The following RUNX1 variants were observed in gnomAD, a reference collection of about 807,000 sequenced individuals.
RUNX1 encodes RUNX family transcription factor 1.
In RUNX1, 19 loss-of-function variants were observed where a neutral mutation model predicts 42.8. That is an observed-to-expected ratio of 0.44 (90% CI 0.31 to 0.65). The LOEUF is 0.65. RUNX1 is among the 30% of genes least tolerant of loss of function. RUNX1 has a pLI of 0.07. For synonymous variants in RUNX1, 271 were observed against 289.4 expected, an observed-to-expected ratio of 0.94 and a Z score of 0.64; for missense variants, 528 against 672.0, an observed-to-expected ratio of 0.79 and a Z score of 2.37.
intron 2 of RUNX1, among the ~76,000 whole-genome samples, chr21:35,009,136 AAC>A (rs2059106724): frequency 3.9e-5 from 6 of 152,198 alleles, no homozygotes; most frequent in Non-Finnish European, 8.8e-5. Flanking sequence ...ACCCTGTGCC[AAC>A]TCCACTGCAC....
intron 7 of RUNX1, among the ~76,000 whole-genome samples, chr21:34,830,844 T>C (rs1302414000): frequency 2.6e-5 from 4 of 152,236 alleles, no homozygotes; most frequent in Non-Finnish European, 5.9e-5. Context: ...TACATGCTTA[T>C]GACAACCAGC....
At chr21:34,875,865 C>T (rs553238687) in intron 5 of RUNX1, among the ~76,000 whole-genome samples, 5 of 152,186 alleles carry the variant, frequency 3.3e-5, no homozygotes, top group Non-Finnish European at 5.9e-5. Flanking sequence ...CACTTTAGCC[C>T]AAATAATGTA....
rs575439174 is a variant in RUNX1, at chr21:34,841,252, T to C, written c.614-6651A>G. Among the ~76,000 whole-genome samples, 164 of 152,272 alleles carry C rather than the reference T, an allele frequency of 1.1e-3. 1 individual carries two copies. The highest frequency in any genetic ancestry group is 3.5e-3 in the African/African-American group (147 of 41,562). On this transcript the variant is annotated intron_variant, in intron 6 of 8. Transcript: ENST00000675419. ...TGCCCCTAAGCCTCTTAGAGGTGGA[T>C]GAATCCTGGCAAGTCCCCTAGGATA...
At chr21:34,954,243 C>A (rs1158884702) in intron 2 of RUNX1, among the ~76,000 whole-genome samples, 1 of 152,204 alleles carries the variant, frequency 6.6e-6, no homozygotes, top group African/African-American at 2.4e-5. Flanking sequence ...TTATAAGATT[C>A]AGTCCTACAG....
intron 2 of RUNX1, among the ~76,000 whole-genome samples, chr21:35,014,927 G>A (rs1461052108): frequency 6.6e-6 from 1 of 152,220 alleles, no homozygotes; most frequent in African/African-American, 2.4e-5. Context: ...CCCTCCCTGG[G>A]TTTCCCACAA....
rs2058175773 is a variant in RUNX1, at chr21:34,901,338, C to G, written c.59-8375G>C. ...CAGCCCGGCCAACATGGTGAAACCC[C>G]GTCTCTACTGAAAATAAAAAAAGTA... On this transcript the variant is annotated intron_variant, in intron 2 of 8. Transcript: ENST00000675419. The surrounding 1 kb of genome is among the most constrained non-coding windows in gnomAD (Gnocchi z 4.3). Among the ~76,000 whole-genome samples the G allele has an allele frequency of 6.6e-6, 1 of 151,774 alleles. No individual in the cohort carries two copies. Among genetic ancestry groups the G allele is most frequent in the African/African-American group, 2.4e-5 (1 of 41,340 alleles).
intron 2 of RUNX1, among the ~76,000 whole-genome samples, chr21:34,999,282 GT>G (rs1354847723): frequency 6.6e-6 from 1 of 152,240 alleles, no homozygotes; most frequent in East Asian, 1.9e-4. Context: ...ATAACACGTT[GT>G]TAGCATATGT....
At chr21:34,967,192 C>T (rs558372546) in intron 2 of RUNX1, among the ~76,000 whole-genome samples, 21 of 150,930 alleles carry the variant, frequency 1.4e-4, no homozygotes, top group African/African-American at 4.4e-4. Context: ...TGGTGGCAGG[C>T]GCCTGTAATC....
intron 2 of RUNX1, among the ~76,000 whole-genome samples, chr21:34,936,699 G>A (rs1490810603): frequency 3.3e-5 from 5 of 152,190 alleles, no homozygotes; most frequent in African/African-American, 7.2e-5. Context: ...GATCCTGGCC[G>A]GGAGACCCCA....
intron 8 of RUNX1, chr21:34,798,171 A>G (rs982176018): frequency 5.3e-5 from 24 of 455,684 alleles, no homozygotes; most frequent in Admixed American, 5.2e-4. Flanking sequence ...CTAATCTGCT[A>G]TAATTTGATC....
chr21:34,958,397 A>C (rs2058660259), intron 2 of RUNX1, among the ~76,000 whole-genome samples: 1 of 152,232 alleles, frequency 6.6e-6, no homozygotes, highest in Non-Finnish European at 1.5e-5. Flanking sequence ...AAGGATATGA[A>C]CAGACACTTC....
chr21:35,046,984 G>T (rs1443800997), intron 2 of RUNX1, among the ~76,000 whole-genome samples: 1 of 152,070 alleles, frequency 6.6e-6, no homozygotes, highest in Non-Finnish European at 1.5e-5. Flanking sequence ...CCCTGGGCTT[G>T]TCCGGGAGAT....
chr21:34,812,588 T>C (rs1428254347), intron 7 of RUNX1, among the ~76,000 whole-genome samples: 4 of 152,196 alleles, frequency 2.6e-5, no homozygotes, highest in African/African-American at 9.7e-5. Context: ...GATCTCGATT[T>C]AAAAAATGAC....
intron 2 of RUNX1, among the ~76,000 whole-genome samples, chr21:35,007,778 C>T (rs1350490247): frequency 1.3e-5 from 2 of 152,098 alleles, no homozygotes; most frequent in African/African-American, 4.8e-5. Flanking sequence ...GTTTCAACAT[C>T]CTCCAAGCTG....
intron 2 of RUNX1, among the ~76,000 whole-genome samples, chr21:35,011,125 T>G (rs766040166): frequency 2.0e-5 from 3 of 152,112 alleles, no homozygotes; most frequent in Non-Finnish European, 2.9e-5. Flanking sequence ...CCATTAAAAG[T>G]GATGTGAATA....
At chr21:35,032,387 A>G (rs1475360665) in intron 2 of RUNX1, among the ~76,000 whole-genome samples, 1 of 152,204 alleles carries the variant, frequency 6.6e-6, no homozygotes, top group Non-Finnish European at 1.5e-5. Context: ...TGAAGAGGAA[A>G]AATAAGAGTT....
chr21:34,962,906 C>T (rs940464670), intron 2 of RUNX1, among the ~76,000 whole-genome samples: 11 of 152,192 alleles, frequency 7.2e-5, no homozygotes, highest in Admixed American at 5.9e-4. Context: ...TGAACTTTGC[C>T]ACCACATCAC....
At chr21:35,015,185 T>G (rs73900780) in intron 2 of RUNX1, among the ~76,000 whole-genome samples, 1 of 152,234 alleles carries the variant, frequency 6.6e-6, no homozygotes, top group Non-Finnish European at 1.5e-5. Flanking sequence ...TAAATCCCTT[T>G]GCATTTCAAC....
intron 2 of RUNX1, among the ~76,000 whole-genome samples, chr21:35,024,378 G>A (rs1429917991): frequency 6.6e-6 from 1 of 152,128 alleles, no homozygotes; most frequent in South Asian, 2.1e-4. Flanking sequence ...ACTTCTACAA[G>A]AGAGAGAAAC....
Sources: allele counts gnomAD v4.1 joint callset (sites outside exome capture counted in the v4.1 genomes callset), GRCh38; gene constraint gnomAD v4.1.1; non-coding constraint Gnocchi (gnomAD v3.1); transcripts MANE v1.5; gene names NCBI Gene and HGNC (gene_info 2026-07-23, HGNC 2026-07-21).